STK32C: variants seen among roughly 807,000 people sequenced by gnomAD.
The protein encoded by STK32C is serine/threonine-protein kinase 32C.
A neutral mutation model predicts 56.5 loss-of-function variants in STK32C; 31 were observed. The observed-to-expected ratio is 0.55, with a 90% CI of 0.41 to 0.74. The LOEUF is 0.74. Among genes scored for constraint, STK32C ranks in the 30% least tolerant of loss-of-function variants. The probability of loss-of-function intolerance (pLI) is 0.00; values close to 1 mark genes in which losing one functional copy is unlikely to be tolerated. For synonymous variants in STK32C, 309 were observed against 289.4 expected (o/e 1.07, Z -0.69); for missense variants, 544 against 676.9 (o/e 0.80, Z 2.18).
chr10:132,242,966 C>T (rs1358959140), intron 2 of STK32C, among the ~76,000 whole-genome samples: 1 of 152,138 alleles, frequency 6.6e-6, no homozygotes, highest in Non-Finnish European at 1.5e-5. Context: ...TTAAGAGATG[C>T]GTGTCCAGAG....
chr10:132,275,981 G>A (rs550752517), intron 1 of STK32C, among the ~76,000 whole-genome samples: 17 of 152,178 alleles, frequency 1.1e-4, no homozygotes, highest in Non-Finnish European at 2.1e-4. Flanking sequence ...CCTGGCATGC[G>A]GAACGGTCAC....
intron 1 of STK32C, among the ~76,000 whole-genome samples, chr10:132,274,116 G>A (rs1041099066): frequency 1.3e-5 from 2 of 152,232 alleles, no homozygotes; most frequent in Non-Finnish European, 2.9e-5. Flanking sequence ...CAAGGAGAAT[G>A]CATCAGTCTG....
At position 132,225,630 on chromosome 10, in the gene STK32C, G is replaced by A; in HGVS notation, c.683-14C>T. On this transcript the variant is annotated splice_polypyrimidine_tract_variant and intron_variant, in intron 5 of 11. Transcript: ENST00000298630. ...GGTGTGCATGTCCTGTGCAGAGAGG[G>A]GTCAGGTGTGGCTGTCCCAGGACCA... 2 of 1,609,020 alleles carry A rather than the reference G, an allele frequency of 1.2e-6. No homozygotes were observed. The highest frequency in any genetic ancestry group is 1.1e-5 in the South Asian group (1 of 90,732).
intron 1 of STK32C, among the ~76,000 whole-genome samples, chr10:132,293,097 G>A (rs61864485): frequency 0.21 from 32,545 of 152,272 alleles, 4,325 homozygotes; most frequent in Non-Finnish European, 0.31. Flanking sequence ...CGGCACGTGC[G>A]GGGCGGTCAG....
At chr10:132,278,852 A>C (rs1311988228) in intron 1 of STK32C, among the ~76,000 whole-genome samples, 1 of 152,176 alleles carries the variant, frequency 6.6e-6, no homozygotes, top group Non-Finnish European at 1.5e-5. Context: ...TCTTACAAGG[A>C]ACTTATACAG....
exon 2 of STK32C, chr10:132,324,244 C>T (rs769386723): frequency 7.7e-6 from 6 of 779,752 alleles, no homozygotes; most frequent in East Asian, 2.4e-5. Context: ...TTACACACCC[C>T]CTCTTGATGG....
At chr10:132,306,861 T>TCCCCGGGGCCCCCTGGCA (rs1554883302) in intron 1 of STK32C, 1 of 151,930 alleles carries the variant, frequency 6.6e-6, no homozygotes, top group East Asian at 1.9e-4. Context: ...AATTCGGGGG[T>TCCCCGGGGCCCCCTGGCA]CCCCGGGGCC....
chr10:132,296,894 C>T (rs1175385135), intron 1 of STK32C, among the ~76,000 whole-genome samples: 3 of 152,198 alleles, frequency 2.0e-5, no homozygotes, highest in Non-Finnish European at 2.9e-5. Context: ...AAAGCCTCTG[C>T]GGCTCTGGAA....
At chr10:132,236,087 G>A (rs1235863564) in intron 2 of STK32C, among the ~76,000 whole-genome samples, 1 of 152,156 alleles carries the variant, frequency 6.6e-6, no homozygotes, top group Non-Finnish European at 1.5e-5. Flanking sequence ...TCTATACCAT[G>A]TGAGTTGCAT....
intron 10 of STK32C, among the ~76,000 whole-genome samples, chr10:132,213,750 G>A (rs2062386140): frequency 6.6e-6 from 1 of 152,210 alleles, no homozygotes; most frequent in Non-Finnish European, 1.5e-5. Flanking sequence ...TATGGCAAGG[G>A]CTCCAGGGGA....
At chr10:132,324,074 C>G in exon 2 of STK32C, 1 of 613,130 alleles carries the variant, frequency 1.6e-6, no homozygotes, top group Non-Finnish European at 2.9e-6. Context: ...CCAACACACC[C>G]ACACCTGGAC....
Position 132,222,999 on chromosome 10 carries a change from A to G in STK32C, c.994-13T>C. On this transcript the variant is annotated splice_polypyrimidine_tract_variant and intron_variant, in intron 8 of 11. Transcript: ENST00000298630. ...TCACAGTGAGGAGCTGCAACCAGGC[A>G]TGAGTCAGAGGGTCCAGGGCCCACA... 1.3e-6 allele frequency: 2 copies of G among 1,546,738 alleles called. No homozygotes were observed. The highest frequency in any genetic ancestry group is 1.2e-5 in the South Asian group (1 of 84,464).
chr10:132,227,486 TG>T (rs1212377588), intron 3 of STK32C, among the ~76,000 whole-genome samples: 4 of 151,922 alleles, frequency 2.6e-5, no homozygotes, highest in African/African-American at 9.7e-5. Context: ...GTGGTGATGG[TG>T]ATAACAGTGA....
At chr10:132,245,570 G>A (rs1288783359) in intron 2 of STK32C, among the ~76,000 whole-genome samples, 6 of 152,338 alleles carry the variant, frequency 3.9e-5, no homozygotes, top group Admixed American at 6.5e-5. Context: ...CCCACCCTCC[G>A]TCCTGTCCCC....
chr10:132,234,967 C>T (rs181893495), intron 2 of STK32C, among the ~76,000 whole-genome samples: 15 of 152,308 alleles, frequency 9.8e-5, no homozygotes, highest in Admixed American at 5.9e-4. Context: ...ACAGGGGGCA[C>T]CAGACACACG....
chr10:132,212,225 A>G (rs11146252), intron 10 of STK32C, among the ~76,000 whole-genome samples: 4,347 of 152,304 alleles, frequency 0.029, 177 homozygotes, highest in East Asian at 0.22. Context: ...AGTTATCAAG[A>G]TGGTGCAGTC....
At chr10:132,282,269 C>A (rs2065236585) in intron 1 of STK32C, among the ~76,000 whole-genome samples, 1 of 152,264 alleles carries the variant, frequency 6.6e-6, no homozygotes, top group Non-Finnish European at 1.5e-5. Context: ...CCCATCCCTG[C>A]CACACGCCCT....
intron 1 of STK32C, among the ~76,000 whole-genome samples, chr10:132,253,489 G>GGAGGGAGTCGAGGGAGCT (rs1565113692): frequency 7.3e-6 from 1 of 136,994 alleles, no homozygotes; most frequent in Admixed American, 7.0e-5. Context: ...CGAGGGAGCT[G>GGAGGGAGTCGAGGGAGCT]GAGGGAGTCG....
At chr10:132,224,626 C>G (rs911929972) in intron 7 of STK32C, 103 bp from the exon 8 acceptor site, 6 of 822,020 alleles carry the variant, frequency 7.3e-6, no homozygotes, top group African/African-American at 1.7e-5. Flanking sequence ...CCCCTCCCCC[C>G]ACCCCAAGTG....
Sources: allele counts gnomAD v4.1 joint callset (sites outside exome capture counted in the v4.1 genomes callset), GRCh38; gene constraint gnomAD v4.1.1; transcripts MANE v1.5; gene names NCBI Gene and HGNC (gene_info 2026-07-23, HGNC 2026-07-21).